The following DISP2 variants were observed in gnomAD, a reference collection of about 807,000 sequenced individuals.
DISP2 encodes protein dispatched homolog 2.
DISP2 carries 59 observed loss-of-function variants against 95.5 expected under a neutral mutation model. That is an observed-to-expected ratio of 0.62 (90% CI 0.50 to 0.77). The LOEUF is 0.77. Ranked by LOEUF, DISP2 falls within the 30% of genes least tolerant of loss-of-function variation. The pLI, the probability that DISP2 is intolerant of heterozygous loss-of-function variation, is 0.00. For missense variants in DISP2, 1,752 were observed against 1,854.6 expected, an observed-to-expected ratio of 0.94 and a Z score of 1.02; for synonymous variants, 827 against 815.0, an observed-to-expected ratio of 1.01 and a Z score of -0.25.
chr15:40,358,245 G>GCCGCCGCCACCGCCGCCGCCA lies in DISP2; in HGVS notation c.-57_-56insACCGCCGCCACCGCCGCCGCC, dbSNP rs1555399510. Reference sequence around the variant, plus strand: ...TGCGCACGAGCACCCCGCCGCCGCTGCCGCCGCCACCGCCGCCGCCGCCGC... The same window carrying GCCGCCGCCACCGCCGCCGCCA: ...TGCGCACGAGCACCCCGCCGCCGCTGCCGCCGCCACCGCCGCCGCCACCGCCGCCACCGCCGCCGCCGCCGC... On this transcript the variant is annotated 5_prime_UTR_variant, in exon 1 of 8. Transcript: ENST00000267889. The GCCGCCGCCACCGCCGCCGCCA allele has an allele frequency of 1.5e-3, 1,514 of 1,007,836 alleles. 3 individuals are homozygous for GCCGCCGCCACCGCCGCCGCCA. The highest frequency in any genetic ancestry group is 1.7e-3 in the Non-Finnish European group (1,413 of 828,412). The allele number at this position is 1,007,836 out of a possible 1,614,324, so 62.4% of individuals were successfully genotyped here.
At chr15:40,358,567 G>A in intron 1 of DISP2, 127 bp downstream of exon 1, 4 of 719,752 alleles carry the variant, frequency 5.6e-6, no homozygotes, top group Non-Finnish European at 7.6e-6. Context: ...CCCTTCCCGG[G>A]GTCGCCAAGC....
In DISP2 at chr15:40,367,787, A is replaced by T; in HGVS notation, c.1675A>T (p.Thr559Ser). The T allele has an allele frequency of 6.2e-7, 1 of 1,608,184 alleles. No individual in the cohort carries two copies. The highest frequency in any genetic ancestry group is 8.5e-7 in the Non-Finnish European group (1 of 1,179,928). The change falls in exon 8 of 8, where the codon ACG becomes TCG. Residue 559 changes from threonine (T) to serine (S), a missense_variant. Physicochemically the swap from Thr to Ser is moderately conservative, Grantham distance 58. Transcript: ENST00000267889. ...GCTGAGCAGCGTCTGCGCCAACCAC[A>T]CGCTCATCTTCTTCGACCTGTGGCG... The part of the protein sequence containing the change: ...LLLSSVCANH[T>S]LIFFDLWRLS...
chr15:40,368,615 C>G lies in DISP2; in HGVS notation c.2503C>G (p.Leu835Val). 1.9e-6 allele frequency: 3 copies of G among 1,607,664 alleles called. No homozygotes were observed. In the South Asian group the frequency reaches 3.3e-5, roughly 18 times the overall value. Residue 835 changes from leucine to valine, a missense_variant, in exon 8 of 8, where the codon CTG (leucine) becomes GTG (valine). Around this residue, in one of 5 missense-constraint regions of DISP2, gnomAD observed 317 missense variants for 394.9 expected, o/e 0.80. Coordinates refer to ENST00000267889, the MANE Select transcript of DISP2 (RefSeq NM_033510.3). The stretch of plus-strand genomic sequence containing the variant: ...CACCCTGCAGGAAGGCTGGCCCACG[C>G]TGTGTTTCGTGGAGACCCTCCAGCG... ...FDTLQEGWPT[L>V]CFVETLQRWM...
rs1039323666 is a variant in DISP2 at position 40,371,114 on chromosome 15, G to A, written c.*796G>A. On this transcript the variant is annotated 3_prime_UTR_variant, in exon 8 of 8. Transcript: ENST00000267889. ...TTCACTACAGGGTAGCCTGACATTG[G>A]TCAGGTTCTTTTGACACCCAATTTA... 1.9e-5 allele frequency: 3 copies of A among 154,346 alleles called. No homozygotes were observed. The highest frequency in any genetic ancestry group is 4.8e-5 in the African/African-American group (2 of 41,478). 9.6% of individuals were successfully genotyped at this position (154,346 alleles called of 1,614,324 possible).
chr15:40,364,566 C>T lies in DISP2; in HGVS notation c.603+22C>T, dbSNP rs115655873. The T allele has an allele frequency of 7.9e-4, 1,277 of 1,610,700 alleles. 7 individuals carry two copies. The African/African-American group carries it at 0.015, about 19-fold the overall frequency. On this transcript the variant is annotated intron_variant, in intron 4 of 7. Transcript: ENST00000267889. ...GCTGGTGAGGAACCAAGGGGTGGGA[C>T]GGGGTCCCCAGGCCTGGCCACCTTG...
Position 40,363,956 on chromosome 15 carries a change from TA to T in DISP2, c.449+4del, listed in dbSNP as rs1262985095. 9 of 1,523,044 alleles carry T rather than the reference TA, an allele frequency of 5.9e-6. No homozygotes were observed. Among genetic ancestry groups the T allele is most frequent in the Non-Finnish European group, 7.9e-6 (9 of 1,138,704 alleles). 94.3% of individuals were successfully genotyped at this position (1,523,044 alleles called of 1,614,324 possible). ...GCAGCACCATGTGGTCAGCGTCAGG[TA>T]AGGAGGGGTCCAGCAGCCTGCCAGC... On this transcript the variant is annotated splice_donor_region_variant and intron_variant, in intron 2 of 7. Transcript: ENST00000267889.
rs775121764 is a variant in DISP2 at position 40,365,723 on chromosome 15, C to T, written c.943C>T (p.Gln315Ter). 10 of 1,613,912 alleles carry T rather than the reference C, an allele frequency of 6.2e-6. No homozygotes were observed. The highest frequency in any genetic ancestry group is 8.5e-7 in the Non-Finnish European group (1 of 1,179,970). ...TTCCATGTGTCGCATGGAACAGGACCAGGTGAGCTGGTGGGGGAGGTGCCA... is the reference window on the plus strand; with the variant it reads ...TTCCATGTGTCGCATGGAACAGGACTAGGTGAGCTGGTGGGGGAGGTGCCA... ...IHSMCRMEQD[Q>*]IRSHTSFGAL... Residue 315 changes from glutamine (Q) to a stop codon, truncating the protein, a stop_gained and splice_region_variant, in exon 7 of 8, where the codon CAG becomes TAG. Transcript: ENST00000267889. LOFTEE classifies it high-confidence loss of function.
rs769877693 is a variant in DISP2, at chr15:40,367,982, A to T, written c.1870A>T (p.Thr624Ser). Residue 624 changes from threonine to serine, a missense_variant, in exon 8 of 8, where the codon ACG becomes TCG. This residue lies in a region of DISP2 where 732 missense variants were observed against 714.6 expected (regional missense o/e 1.02). Transcript: ENST00000267889. ...AVRCLALFMGTAVLVHLALTL... is the reference protein window; with the variant it reads ...AVRCLALFMGSAVLVHLALTL... ...TCGCTGCCTCGCCCTCTTCATGGGCACGGCTGTGCTGGTGCACCTGGCGCT... is the reference window on the plus strand; with the variant it reads ...TCGCTGCCTCGCCCTCTTCATGGGCTCGGCTGTGCTGGTGCACCTGGCGCT... The T allele has an allele frequency of 1.3e-6, 2 of 1,554,672 alleles. No homozygotes were observed. The highest frequency in any genetic ancestry group is 2.7e-5 in the African/African-American group (2 of 73,560).
chr15:40,362,266 T>A (rs982564263), intron 1 of DISP2, among the ~76,000 whole-genome samples: 3 of 152,158 alleles, frequency 2.0e-5, no homozygotes, highest in Non-Finnish European at 4.4e-5. Context: ...CCACAAACTT[T>A]CCCTGACCAC....
At position 40,369,037 on chromosome 15, in the gene DISP2, C is replaced by T; in HGVS notation, c.2925C>T (p.Ala975=). Residue 975 remains alanine, a synonymous_variant, in exon 8 of 8, where the codon GCC becomes GCT. Coordinates refer to ENST00000267889, the MANE Select transcript of DISP2 (RefSeq NM_033510.3). ...AVVLGLALAL[A]FATLLLGTWN... ...TGCTGGGCCTGGCTTTGGCGCTGGCCTTTGCCACACTGCTCCTGGGCACCT... is the reference window on the plus strand; with the variant it reads ...TGCTGGGCCTGGCTTTGGCGCTGGCTTTTGCCACACTGCTCCTGGGCACCT... 3 of 1,613,988 alleles carry T rather than the reference C, an allele frequency of 1.9e-6. No homozygotes were observed. Among genetic ancestry groups the T allele is most frequent in the Non-Finnish European group, 2.5e-6 (3 of 1,180,042 alleles).
chr15:40,364,526 C>T lies in DISP2; in HGVS notation c.585C>T (p.Asp195=). The change falls in exon 4 of 8, where the codon GAC becomes GAT. Residue 195 remains aspartate (D), a synonymous_variant. Coordinates refer to ENST00000267889, the MANE Select transcript of DISP2 (RefSeq NM_033510.3). ...GACTGTTGGGGGCCCGGCTGCCCGA[C>T]TTCTCCAAGCCTTTGCTGGTGAGGA... ...LAGLLGARLP[D]FSKPLLGFEP... The T allele has an allele frequency of 1.9e-6, 3 of 1,613,848 alleles. No homozygotes were observed. The highest frequency in any genetic ancestry group is 1.1e-5 in the South Asian group (1 of 91,086).
In DISP2 at chr15:40,376,420, C is replaced by T. The variant is rs917027546; in HGVS notation, c.*6102C>T. ...AGATCATCTGAGGTCAGGAGTTCAA[C>T]ACCAGCCTGGCCAACATGGCAAAAC... On this transcript the variant is annotated 3_prime_UTR_variant, in exon 8 of 8. Coordinates refer to ENST00000267889, the MANE Select transcript of DISP2 (RefSeq NM_033510.3). The T allele has an allele frequency of 3.9e-5, 6 of 152,106 alleles. No homozygotes were observed. Among genetic ancestry groups the T allele is most frequent in the African/African-American group, 1.4e-4 (6 of 41,424 alleles). 9.4% of individuals were successfully genotyped at this position (152,106 alleles called of 1,614,324 possible).
rs7173239 is a variant in DISP2 at position 40,363,053 on chromosome 15, T to C, written c.120-572T>C. ...GCGCGGTGGCTCACGCCTGTAATCC[T>C]AGCACTTTGGGAGGCCGAGGCAGGC... On this transcript the variant is annotated intron_variant, in intron 1 of 7. Transcript: ENST00000267889. Among the ~76,000 whole-genome samples the C allele has an allele frequency of 1.0e-2, 1,517 of 151,738 alleles. 20 individuals carry two copies. Among genetic ancestry groups the C allele is most frequent in the African/African-American group, 0.035 (1,442 of 41,362 alleles).
intron 2 of DISP2, 78 bp downstream of exon 2, chr15:40,364,032 C>A: frequency 6.7e-7 from 1 of 1,489,930 alleles, no homozygotes; most frequent in South Asian, 1.3e-5. Flanking sequence ...ACTGCCGGGG[C>A]TCTAGACTCC....
intron 1 of DISP2, among the ~76,000 whole-genome samples, chr15:40,361,689 C>T (rs911126575): frequency 6.6e-6 from 1 of 152,246 alleles, no homozygotes; most frequent in Admixed American, 6.5e-5. Flanking sequence ...CATGTTTTTC[C>T]TTCCTAGTTC....
Position 40,365,294 on chromosome 15 carries a change from G to T in DISP2, c.847+20G>T. ...CCCCTGGTAAGCTGCAGCCTGGCCA[G>T]TTCCTGGTTTTAATAGTGGTCCCCA... On this transcript the variant is annotated intron_variant, in intron 6 of 7. Transcript: ENST00000267889. 1 of 1,612,624 alleles carries T rather than the reference G, an allele frequency of 6.2e-7. No homozygotes were observed. Among genetic ancestry groups the T allele is most frequent in the South Asian group, 1.1e-5 (1 of 90,944 alleles).
At chr15:40,360,015 C>T (rs1289952492) in intron 1 of DISP2, among the ~76,000 whole-genome samples, 1 of 152,214 alleles carries the variant, frequency 6.6e-6, no homozygotes, top group Non-Finnish European at 1.5e-5. Flanking sequence ...TGTCTGTGGG[C>T]TTGGGGGTAT....
intron 3 of DISP2, 77 bp from the exon 4 acceptor site, chr15:40,364,344 C>T: frequency 6.2e-7 from 1 of 1,613,576 alleles, no homozygotes; most frequent in South Asian, 1.1e-5. Flanking sequence ...CTATCTAGCA[C>T]CCCTTCTGGG....
At position 40,368,405 on chromosome 15, in the gene DISP2, G is replaced by A. The variant is rs759984053; in HGVS notation, c.2293G>A (p.Gly765Ser). The stretch of plus-strand genomic sequence containing the variant: ...GTTCCTGTTCGAGCAGCTGCCGCAG[G>A]GCGAGGGCGGCCACATGCCCGTGGT... Reference protein sequence around the residue: ...QLFLFEQLPQGEGGHMPVVLV... With the variant: ...QLFLFEQLPQSEGGHMPVVLV... The change falls in exon 8 of 8, where the codon GGC becomes AGC. Residue 765 changes from glycine to serine, a missense_variant. Gly to Ser is a moderately conservative substitution (Grantham distance 56, BLOSUM62 0). This residue lies in a region of DISP2 where 732 missense variants were observed against 714.6 expected (regional missense o/e 1.02). Transcript: ENST00000267889. 98 of 1,608,478 alleles carry A rather than the reference G, an allele frequency of 6.1e-5. No homozygotes were observed. In the East Asian group the frequency reaches 2.1e-3, roughly 34 times the overall value.
Sources: gnomAD v4.1 joint callset for allele counts (sites outside exome capture counted in the v4.1 genomes callset) on GRCh38, gnomAD v4.1.1 for gene constraint, gnomAD v4.1.1 regional missense constraint, MANE v1.5 for transcripts, NCBI Gene and HGNC (gene_info 2026-07-23, HGNC 2026-07-21) for gene names.